ROBO1: variants seen among roughly 807,000 people sequenced by gnomAD.
The protein encoded by ROBO1 is roundabout homolog 1.
A neutral mutation model predicts 195.9 loss-of-function variants in ROBO1; 149 were observed. That is an observed-to-expected ratio of 0.76 (90% CI 0.67 to 0.87). ROBO1 has a LOEUF of 0.87. Among genes scored for constraint, ROBO1 ranks in the 40% least tolerant of loss-of-function variants. The pLI is 0.00. For missense variants in ROBO1, 1,933 were observed against 2,068.3 expected (o/e 0.93, Z 1.27); for synonymous variants, 816 against 733.2 (o/e 1.11, Z -1.82).
chr3:78,799,939 G>C (rs547709822), intron 4 of ROBO1, among the ~76,000 whole-genome samples: 19 of 152,204 alleles, frequency 1.2e-4, no homozygotes, highest in African/African-American at 4.6e-4. Context: ...AGCTTGTCTA[G>C]GATTCAAGTC....
chr3:78,972,030 T>C (rs541147524), intron 3 of ROBO1, among the ~76,000 whole-genome samples: 1 of 152,306 alleles, frequency 6.6e-6, no homozygotes, highest in African/African-American at 2.4e-5. Context: ...CCTCCCAAAG[T>C]GCTGGGATTA....
intron 1 of ROBO1, among the ~76,000 whole-genome samples, chr3:79,691,571 C>A (rs1419758918): frequency 6.6e-6 from 1 of 151,676 alleles, no homozygotes; most frequent in Non-Finnish European, 1.5e-5. Context: ...GTTTTCTCAG[C>A]ACAAATCAAA....
At chr3:78,793,447 C>G (rs1037262472) in intron 4 of ROBO1, among the ~76,000 whole-genome samples, 1 of 152,172 alleles carries the variant, frequency 6.6e-6, no homozygotes, top group Non-Finnish European at 1.5e-5. Flanking sequence ...TCTGATTATA[C>G]TTAGCCTTAC....
intron 4 of ROBO1, among the ~76,000 whole-genome samples, chr3:78,841,039 G>A (rs561908165): frequency 5.3e-5 from 8 of 149,878 alleles, no homozygotes; most frequent in South Asian, 2.1e-4. Flanking sequence ...TCCAGCCTGG[G>A]TGACAGAGCA....
At chr3:78,946,819 T>G (rs1278747130) in intron 3 of ROBO1, among the ~76,000 whole-genome samples, 2 of 151,984 alleles carry the variant, frequency 1.3e-5, no homozygotes, top group Admixed American at 6.6e-5. Flanking sequence ...AATAAAGGGA[T>G]GGAGAAAGAT....
At chr3:79,582,909 G>T (rs1358086679) in intron 2 of ROBO1, among the ~76,000 whole-genome samples, 3 of 151,890 alleles carry the variant, frequency 2.0e-5, no homozygotes, top group Non-Finnish European at 4.4e-5. Context: ...AACTCCTAAA[G>T]CTATAGTGTA....
intron 1 of ROBO1, among the ~76,000 whole-genome samples, chr3:79,608,510 G>T (rs1053776707): frequency 3.9e-5 from 6 of 151,934 alleles, no homozygotes; most frequent in Non-Finnish European, 8.8e-5. Context: ...GGAAGGAAAG[G>T]GTTGTGTTGG....
intron 4 of ROBO1, among the ~76,000 whole-genome samples, chr3:78,816,560 G>A (rs1340852862): frequency 2.0e-5 from 3 of 152,110 alleles, no homozygotes; most frequent in Admixed American, 2.0e-4. Flanking sequence ...AAAGTAAATA[G>A]AAAACGTTCT....
chr3:79,110,827 C>A (rs1211678915), intron 3 of ROBO1, among the ~76,000 whole-genome samples: 2 of 151,730 alleles, frequency 1.3e-5, no homozygotes, highest in African/African-American at 4.8e-5. Context: ...CTATGTTGCC[C>A]AAGCTGTGCT....
At chr3:79,670,017 C>A (rs1946587784) in intron 1 of ROBO1, among the ~76,000 whole-genome samples, 1 of 151,712 alleles carries the variant, frequency 6.6e-6, no homozygotes, top group Non-Finnish European at 1.5e-5. Context: ...GCTTTACATT[C>A]CAGGAGATAT....
At chr3:79,018,773 T>G in intron 3 of ROBO1, 1 of 1,110,690 alleles carries the variant, frequency 9.0e-7, no homozygotes, top group Non-Finnish European at 1.1e-6. Context: ...GTAGTGCCGT[T>G]TCCTGCCTCC....
At chr3:79,485,159 G>A (rs1939092143) in intron 2 of ROBO1, among the ~76,000 whole-genome samples, 1 of 152,022 alleles carries the variant, frequency 6.6e-6, no homozygotes, top group Non-Finnish European at 1.5e-5. Flanking sequence ...CTGCTATATA[G>A]TAGCCATCAA....
At chr3:79,054,884 A>AGGC (rs2108379285) in intron 3 of ROBO1, among the ~76,000 whole-genome samples, 1 of 152,210 alleles carries the variant, frequency 6.6e-6, no homozygotes, top group African/African-American at 2.4e-5. Flanking sequence ...TTTCCACTTC[A>AGGC]GGCGGTCCCA....
At chr3:78,915,276 T>C (rs1422035971) in intron 4 of ROBO1, among the ~76,000 whole-genome samples, 2 of 152,174 alleles carry the variant, frequency 1.3e-5, no homozygotes, top group African/African-American at 4.8e-5. Flanking sequence ...AAAAAGAGTT[T>C]CCTAATTCTG....
intron 1 of ROBO1, among the ~76,000 whole-genome samples, chr3:79,666,399 CTTTTA>C (rs1428984812): frequency 2.0e-5 from 3 of 151,784 alleles, no homozygotes; most frequent in Non-Finnish European, 2.9e-5. Flanking sequence ...TCTAATCAGG[CTTTTA>C]TTTTATCTTT....
intron 2 of ROBO1, among the ~76,000 whole-genome samples, chr3:79,567,330 C>A (rs1943121982): frequency 6.6e-6 from 1 of 152,070 alleles, no homozygotes; most frequent in South Asian, 2.1e-4. Flanking sequence ...GCACAACAAA[C>A]CACCAGGACA....
At chr3:78,700,764 C>CTTTTTTTT in intron 8 of ROBO1, among the ~76,000 whole-genome samples, 1 of 144,426 alleles carries the variant, frequency 6.9e-6, no homozygotes, top group African/African-American at 2.6e-5. Context: ...ATCTTTTTTT[C>CTTTTTTTT]TTTTTTTTTT....
Position 79,585,970 on chromosome 3 carries a change from G to GA in ROBO1, c.88+3853dup, listed in dbSNP as rs199726732. 2.0e-3 allele frequency among the ~76,000 whole-genome samples: 264 copies of GA among 130,080 alleles called. 8 individuals carry two copies. In the East Asian group the frequency reaches 0.05, roughly 25 times the overall value. The allele number at this position is 130,080 out of a possible 152,430, so 85.3% of individuals were successfully genotyped here. On this transcript the variant is annotated intron_variant, in intron 2 of 30. Coordinates refer to ENST00000464233, the MANE Select transcript of ROBO1 (RefSeq NM_002941.4). ...CCATAGAAACTAATCACAAATATTGGAAAAAAAATACCTGTGGATCATAAA... is the reference window on the plus strand; with the variant it reads ...CCATAGAAACTAATCACAAATATTGGAAAAAAAAATACCTGTGGATCATAAA...
chr3:79,338,717 C>T (rs957998219), intron 2 of ROBO1, among the ~76,000 whole-genome samples: 5 of 152,080 alleles, frequency 3.3e-5, no homozygotes, highest in Middle Eastern at 3.4e-3. Context: ...TAAAAAAAAA[C>T]CTTCGGATCT....
Sources: allele counts gnomAD v4.1 joint callset (sites outside exome capture counted in the v4.1 genomes callset), GRCh38; gene constraint gnomAD v4.1.1; transcripts MANE v1.5; gene names NCBI Gene and HGNC (gene_info 2026-07-23, HGNC 2026-07-21).